MUTYH: variants seen among roughly 807,000 people sequenced by gnomAD.
MUTYH encodes the protein adenine DNA glycosylase.
A neutral mutation model predicts 72.9 loss-of-function variants in MUTYH; 64 were observed. That is an observed-to-expected ratio of 0.88 (90% CI 0.72 to 1.08). The LOEUF (loss-of-function observed/expected upper bound fraction) is 1.08. MUTYH is among the 50% of genes least tolerant of loss of function. The probability of loss-of-function intolerance (pLI) is 0.00; values close to 1 mark genes in which losing one functional copy is unlikely to be tolerated. For missense variants in MUTYH, 633 were observed against 671.0 expected (o/e 0.94, Z 0.63); for synonymous variants, 234 against 263.1 (o/e 0.89, Z 1.07).
chr1:45,334,309 C>A, intron 2 of MUTYH, 82 bp downstream of exon 2: 1 of 1,599,212 alleles, frequency 6.3e-7, no homozygotes, highest in Admixed American at 1.7e-5. Flanking sequence ...CTCTTAATGT[C>A]TTGATACGTA....
At chr1:45,338,159 G>C (rs865979306) in intron 1 of MUTYH, 8 of 514,284 alleles carry the variant, frequency 1.6e-5, no homozygotes, top group South Asian at 9.2e-5. Context: ...AACCAGATGA[G>C]GTGGGGAGAG....
intron 1 of MUTYH, chr1:45,339,637 T>C (rs1026733287): frequency 1.4e-5 from 5 of 362,892 alleles, no homozygotes; most frequent in Non-Finnish European, 2.2e-5. Context: ...ATCACTTGAT[T>C]GGATTATTAC....
At chr1:45,331,363 G>A (rs761930271) in intron 13 of MUTYH, 29 bp from the exon 14 acceptor site, 1 of 1,614,206 alleles carries the variant, frequency 6.2e-7, no homozygotes, top group Admixed American at 1.7e-5. Context: ...GGTTCAAATA[G>A]GCCTGTGGAT....
In MUTYH at chr1:45,331,440, G is replaced by T. The variant is rs141432759; in HGVS notation, c.1219C>A (p.His407Asn). The change falls in exon 13 of 16, where the codon CAC becomes AAC. Residue 407 changes from histidine to asparagine, a missense_variant. By Grantham distance (68) the His-to-Asn change is moderately conservative (BLOSUM62 1). Transcript: ENST00000456914. Reference sequence around the variant, plus strand: ...CTTACCTCCCCAAGGTGCCGGAGGTGCGTGGCTGGGAGGGGCCCAGCCCAA... The same window carrying T: ...CTTACCTCCCCAAGGTGCCGGAGGTTCGTGGCTGGGAGGGGCCCAGCCCAA... ...QRWAGPLPAT[H>N]LRHLGEVVHT... The T allele has an allele frequency of 1.2e-6, 2 of 1,614,256 alleles. No homozygotes were observed. Among genetic ancestry groups the T allele is most frequent in the Non-Finnish European group, 1.7e-6 (2 of 1,180,046 alleles).
chr1:45,329,529 C>G, intron 15 of MUTYH, 92 bp from the exon 16 acceptor site: 1 of 1,519,504 alleles, frequency 6.6e-7, no homozygotes, highest in Non-Finnish European at 9.0e-7. Flanking sequence ...CCCGACTCTA[C>G]TGATCTAGCT....
chr1:45,333,399 C>T lies in MUTYH; in HGVS notation c.264+14G>A. ...CTGCCTCCCACCCACTGTCCCTGCTCCTCGCCTGCCTACCCGTCTTCTCCA... is the reference window on the plus strand; with the variant it reads ...CTGCCTCCCACCCACTGTCCCTGCTTCTCGCCTGCCTACCCGTCTTCTCCA... On this transcript the variant is annotated intron_variant, in intron 3 of 15. Transcript: ENST00000456914. The T allele has an allele frequency of 1.9e-6, 3 of 1,614,180 alleles. No individual in the cohort carries two copies. The highest frequency in any genetic ancestry group is 2.2e-5 in the East Asian group (1 of 44,890).
chr1:45,335,168 A>G (rs1208230358), intron 1 of MUTYH, among the ~76,000 whole-genome samples: 1 of 152,116 alleles, frequency 6.6e-6, no homozygotes, highest in Non-Finnish European at 1.5e-5. Flanking sequence ...AACAGCTAAA[A>G]TTAGTTGATA....
Position 45,333,373 on chromosome 1 carries a change from C to T in MUTYH, c.264+40G>A, listed in dbSNP as rs567314326. 3 of 1,613,490 alleles carry T rather than the reference C, an allele frequency of 1.9e-6. No homozygotes were observed. The South Asian group carries it at 3.3e-5, about 18-fold the overall frequency. ...GAGTTAGGGTGGAGGGGGCTGGGTG[C>T]CTGCCTCCCACCCACTGTCCCTGCT... On this transcript the variant is annotated intron_variant, in intron 3 of 15. Coordinates refer to ENST00000456914, the MANE Select transcript of MUTYH (RefSeq NM_001048174.2).
chr1:45,339,558 C>T (rs936850601), intron 1 of MUTYH: 1 of 328,514 alleles, frequency 3.0e-6, no homozygotes, highest in Non-Finnish European at 6.0e-6. Context: ...TCGACTATAC[C>T]GCCTAGCTGC....
In MUTYH at chr1:45,329,321, G is replaced by A. The variant is rs2149087408; in HGVS notation, c.1551C>T (p.Asn517=). ...TTCAGAGGTGTCACTGGGCTGCACT[G>A]TTGAGGCTGTGTGCATCAGTGGAGA... The part of the protein sequence containing the change: ...SHISTDAHSL[N]SAAQ The change falls in exon 16 of 16, where the codon AAC becomes AAT. Residue 517 remains asparagine (N), a synonymous_variant. Transcript: ENST00000456914. The A allele has an allele frequency of 6.2e-7, 1 of 1,614,200 alleles. No homozygotes were observed. Among genetic ancestry groups the A allele is most frequent in the Non-Finnish European group, 8.5e-7 (1 of 1,180,044 alleles).
Position 45,329,447 on chromosome 1 carries a change from A to C in MUTYH, c.1435-10T>G. 1 of 1,613,802 alleles carries C rather than the reference A, an allele frequency of 6.2e-7. No individual in the cohort carries two copies. Among genetic ancestry groups the C allele is most frequent in the South Asian group, 1.1e-5 (1 of 91,072 alleles). On this transcript the variant is annotated splice_polypyrimidine_tract_variant and intron_variant, in intron 15 of 15. Coordinates refer to ENST00000456914, the MANE Select transcript of MUTYH (RefSeq NM_001048174.2). The stretch of plus-strand genomic sequence containing the variant: ...GGGACCTTTTGGAACCCTGTGAAAA[A>C]ATGGAAGGAGGGAGGCCTTGTAGTT...
chr1:45,329,539 T>A, intron 15 of MUTYH, 102 bp from the exon 16 acceptor site: 1 of 1,482,292 alleles, frequency 6.7e-7, no homozygotes, highest in Non-Finnish European at 9.2e-7. Context: ...CTGATCTAGC[T>A]AGGCTTAGCC....
chr1:45,334,682 A>G (rs1645614708), intron 1 of MUTYH, among the ~76,000 whole-genome samples, 171 bp from the exon 2 acceptor site: 1 of 152,232 alleles, frequency 6.6e-6, no homozygotes, highest in Non-Finnish European at 1.5e-5. Flanking sequence ...CAGCACTGAG[A>G]TACAACTAGT....
intron 15 of MUTYH, 84 bp from the exon 16 acceptor site, chr1:45,329,521 C>T (rs554069631): frequency 1.6e-5 from 25 of 1,546,170 alleles, no homozygotes; most frequent in African/African-American, 4.1e-5. Flanking sequence ...TCCCTTTCCC[C>T]GACTCTACTG....
intron 1 of MUTYH, 194 bp downstream of exon 1, chr1:45,339,705 C>T (rs2149242612): frequency 1.5e-6 from 1 of 688,496 alleles, no homozygotes; most frequent in Non-Finnish European, 2.2e-6. Flanking sequence ...TCCGATGGCC[C>T]ACTCCCCGCC....
At chr1:45,331,582 G>C in intron 12 of MUTYH, 26 bp from the exon 13 acceptor site, 3 of 1,613,536 alleles carry the variant, frequency 1.9e-6, no homozygotes, top group Non-Finnish European at 2.5e-6. Context: ...GCCAGGCAGG[G>C]GTCAGGCCTC....
rs1553129783 is a variant in MUTYH, at chr1:45,333,278, T to C, written c.304+7A>G. On this transcript the variant is annotated splice_region_variant and intron_variant, in intron 4 of 15. Coordinates refer to ENST00000456914, the MANE Select transcript of MUTYH (RefSeq NM_001048174.2). ...AAAGTGGCCCTGCTCTCAGGAGATG[T>C]ACTGACCAGCATATGCCCGCCTGTC... 5 of 1,614,204 alleles carry C rather than the reference T, an allele frequency of 3.1e-6. No homozygotes were observed. Among genetic ancestry groups the C allele is most frequent in the Non-Finnish European group, 4.2e-6 (5 of 1,180,022 alleles).
chr1:45,335,842 A>AC (rs1385598024), intron 1 of MUTYH, among the ~76,000 whole-genome samples: 1 of 151,698 alleles, frequency 6.6e-6, no homozygotes, highest in East Asian at 1.9e-4. Flanking sequence ...AGAAACCAAT[A>AC]CCCCAAAATA....
rs367908623 is a variant in MUTYH, at chr1:45,333,615, G to A, written c.116-54C>T. Reference sequence around the variant, plus strand: ...CATCCCTGCACAGGCTGTGCATCAGGGTCTTGGGACACAGCAGCCTGTGGC... The same window carrying A: ...CATCCCTGCACAGGCTGTGCATCAGAGTCTTGGGACACAGCAGCCTGTGGC... On this transcript the variant is annotated intron_variant, in intron 2 of 15. Transcript: ENST00000456914. 73 of 1,600,088 alleles carry A rather than the reference G, an allele frequency of 4.6e-5. 1 individual carries two copies. The African/African-American group carries it at 8.0e-4, about 18-fold the overall frequency.
Sources: gnomAD v4.1 joint callset for allele counts (sites outside exome capture counted in the v4.1 genomes callset) on GRCh38, gnomAD v4.1.1 for gene constraint, MANE v1.5 for transcripts, NCBI Gene and HGNC (gene_info 2026-07-23, HGNC 2026-07-21) for gene names.